Variants in RNGTT observed in about 807,000 individuals in gnomAD.
RNGTT encodes the protein RNA guanylyltransferase and 5'-phosphatase.
A neutral mutation model predicts 79.3 loss-of-function variants in RNGTT; 33 were observed. The ratio of observed to expected loss-of-function variants is 0.42; its 90% CI spans 0.32 to 0.56. RNGTT has a LOEUF of 0.56. Among genes scored for constraint, RNGTT ranks in the 20% least tolerant of loss-of-function variants. The pLI is 0.17. For synonymous variants in RNGTT, 222 were observed against 235.9 expected (o/e 0.94, Z 0.54); for missense variants, 497 against 739.1 (o/e 0.67, Z 3.80).
At chr6:88,828,044 A>C (rs1780729385) in intron 11 of RNGTT, among the ~76,000 whole-genome samples, 1 of 152,182 alleles carries the variant, frequency 6.6e-6, no homozygotes, top group Non-Finnish European at 1.5e-5. Context: ...AGCTCTGCTA[A>C]GGGACAGATG....
intron 8 of RNGTT, among the ~76,000 whole-genome samples, chr6:88,859,568 C>T (rs956379780): frequency 6.6e-6 from 1 of 152,176 alleles, no homozygotes; most frequent in Non-Finnish European, 1.5e-5. Flanking sequence ...GTTTGAATCC[C>T]TATGAACAGG....
chr6:88,876,249 C>G (rs1782513759), intron 8 of RNGTT, among the ~76,000 whole-genome samples: 1 of 152,152 alleles, frequency 6.6e-6, no homozygotes, highest in Non-Finnish European at 1.5e-5. Context: ...ATAATCATGC[C>G]TGAGTATTGT....
At chr6:88,957,633 A>C (rs1785477708) in intron 1 of RNGTT, among the ~76,000 whole-genome samples, 1 of 152,220 alleles carries the variant, frequency 6.6e-6, no homozygotes, top group Non-Finnish European at 1.5e-5. Flanking sequence ...CTGCATAAAA[A>C]AAATAATAAC....
At chr6:88,942,302 C>A (rs1784877019) in intron 1 of RNGTT, among the ~76,000 whole-genome samples, 1 of 152,000 alleles carries the variant, frequency 6.6e-6, no homozygotes, top group Non-Finnish European at 1.5e-5. Flanking sequence ...ACCTTTTTTT[C>A]TGAATGACAG....
chr6:88,676,302 C>T (rs1251961315), intron 14 of RNGTT, among the ~76,000 whole-genome samples: 1 of 151,460 alleles, frequency 6.6e-6, no homozygotes, highest in Admixed American at 6.6e-5. Flanking sequence ...TTATTCTTTT[C>T]GAAAGTGCTT....
At chr6:88,852,549 C>T (rs1405842481) in intron 9 of RNGTT, among the ~76,000 whole-genome samples, 1 of 151,840 alleles carries the variant, frequency 6.6e-6, no homozygotes, top group African/African-American at 2.4e-5. Flanking sequence ...CATATAGATA[C>T]ATATACATGT....
intron 6 of RNGTT, among the ~76,000 whole-genome samples, 158 bp downstream of exon 6, chr6:88,904,557 C>G (rs1410141986): frequency 6.6e-6 from 1 of 150,742 alleles, no homozygotes; most frequent in Non-Finnish European, 1.5e-5. Context: ...GCAAAACTTT[C>G]TCTCCAAAAA....
At chr6:88,703,982 G>A (rs1285472849) in intron 13 of RNGTT, among the ~76,000 whole-genome samples, 1 of 152,068 alleles carries the variant, frequency 6.6e-6, no homozygotes, top group Non-Finnish European at 1.5e-5. Context: ...ACTTCAGGCC[G>A]GGTGCGGTGG....
chr6:88,859,635 T>C (rs981783162), intron 8 of RNGTT, among the ~76,000 whole-genome samples: 1 of 152,104 alleles, frequency 6.6e-6, no homozygotes, highest in African/African-American at 2.4e-5. Flanking sequence ...GGTTAGGAAG[T>C]GATACAAGTG....
At chr6:88,738,005 A>C (rs1777342288) in intron 13 of RNGTT, among the ~76,000 whole-genome samples, 1 of 152,218 alleles carries the variant, frequency 6.6e-6, no homozygotes, top group Non-Finnish European at 1.5e-5. Flanking sequence ...AGAGTACAGT[A>C]TGAAAAGGAG....
At chr6:88,883,597 A>G (rs1173852250) in intron 8 of RNGTT, among the ~76,000 whole-genome samples, 1 of 152,208 alleles carries the variant, frequency 6.6e-6, no homozygotes, top group Non-Finnish European at 1.5e-5. Context: ...AATAATAACA[A>G]TGACAATAAA....
At chr6:88,927,062 A>C (rs1464123528) in intron 4 of RNGTT, among the ~76,000 whole-genome samples, 1 of 152,240 alleles carries the variant, frequency 6.6e-6, no homozygotes, top group African/African-American at 2.4e-5. Context: ...CAAACAAGAC[A>C]CAAAAAAATT....
At chr6:88,786,660 T>C (rs1206382681) in intron 12 of RNGTT, among the ~76,000 whole-genome samples, 1 of 152,248 alleles carries the variant, frequency 6.6e-6, no homozygotes, top group East Asian at 1.9e-4. Flanking sequence ...AATAGGTTTA[T>C]ACTGAAAACA....
intron 11 of RNGTT, among the ~76,000 whole-genome samples, chr6:88,832,628 A>G (rs1466486635): frequency 6.6e-6 from 1 of 152,252 alleles, no homozygotes; most frequent in East Asian, 1.9e-4. Flanking sequence ...AAAAGAAATT[A>G]TCATCAGAAT....
Position 88,929,148 on chromosome 6 carries a change from T to G in RNGTT, c.278+16A>C. On this transcript the variant is annotated intron_variant, in intron 3 of 15. Coordinates refer to ENST00000369485, the MANE Select transcript of RNGTT (RefSeq NM_003800.5). ...TGAAAGGTTTCAATATTAAAGAATC[T>G]TAATATATAACTTACCCTTTACACT... The G allele has an allele frequency of 1.3e-6, 2 of 1,576,458 alleles. No individual in the cohort carries two copies. The highest frequency in any genetic ancestry group is 2.2e-5 in the East Asian group (1 of 44,630).
chr6:88,749,947 G>A (rs1031822857), intron 13 of RNGTT, among the ~76,000 whole-genome samples: 2 of 152,000 alleles, frequency 1.3e-5, no homozygotes, highest in Admixed American at 6.6e-5. Context: ...GTTTCTTGAC[G>A]TGCAGCTATA....
chr6:88,922,534 A>T (rs879711251), intron 4 of RNGTT, among the ~76,000 whole-genome samples: 63 of 148,650 alleles, frequency 4.2e-4, no homozygotes, highest in East Asian at 7.9e-4. Context: ...TTAAAAAAAA[A>T]TTTTTTTTTT....
chr6:88,959,750 T>C (rs1381004935), intron 1 of RNGTT, among the ~76,000 whole-genome samples: 1 of 151,802 alleles, frequency 6.6e-6, no homozygotes, highest in East Asian at 1.9e-4. Flanking sequence ...ATCTCGATGC[T>C]GAAAAAAAAA....
chr6:88,625,151 G>A (rs1199084404), intron 14 of RNGTT, among the ~76,000 whole-genome samples: 3 of 151,860 alleles, frequency 2.0e-5, no homozygotes, highest in Non-Finnish European at 4.4e-5. Flanking sequence ...GTATAACCAT[G>A]TTGGAAAACA....
Sources: gnomAD v4.1 joint callset for allele counts (sites outside exome capture counted in the v4.1 genomes callset) on GRCh38, gnomAD v4.1.1 for gene constraint, MANE v1.5 for transcripts, NCBI Gene and HGNC (gene_info 2026-07-23, HGNC 2026-07-21) for gene names.